STK32B: variants seen among roughly 807,000 people sequenced by gnomAD.
STK32B encodes the protein serine/threonine-protein kinase 32B.
A neutral mutation model predicts 52.6 loss-of-function variants in STK32B; 43 were observed. The observed-to-expected ratio is 0.82, with a 90% CI of 0.64 to 1.05. The LOEUF is 1.05. Ranked by LOEUF, STK32B falls within the 50% of genes least tolerant of loss-of-function variation. The pLI, the probability that STK32B is intolerant of heterozygous loss-of-function variation, is 0.00. For synonymous variants in STK32B, 238 were observed against 204.3 expected, an observed-to-expected ratio of 1.17 and a Z score of -1.41; for missense variants, 621 against 534.6, an observed-to-expected ratio of 1.16 and a Z score of -1.59.
intron 3 of STK32B, among the ~76,000 whole-genome samples, chr4:5,297,360 C>A (rs747470719): frequency 6.6e-6 from 1 of 152,106 alleles, no homozygotes; most frequent in African/African-American, 2.4e-5. Flanking sequence ...TGGATAATAA[C>A]CTGAAGTGTG....
chr4:5,133,137 T>A (rs1715881564), intron 1 of STK32B, among the ~76,000 whole-genome samples: 1 of 152,226 alleles, frequency 6.6e-6, no homozygotes, highest in Non-Finnish European at 1.5e-5. Flanking sequence ...CAGATTTGTC[T>A]CCTTGCACCA....
chr4:5,476,061 ATTTTTGTATTTTTT>A (rs1388114074), intron 11 of STK32B, among the ~76,000 whole-genome samples: 1 of 151,024 alleles, frequency 6.6e-6, no homozygotes, highest in Non-Finnish European at 1.5e-5. Flanking sequence ...CACCCAGCTA[ATTTTTGTATTTTTT>A]TTTTAGTAGA....
intron 2 of STK32B, among the ~76,000 whole-genome samples, chr4:5,149,620 C>T (rs943621350): frequency 6.6e-6 from 1 of 151,862 alleles, no homozygotes; most frequent in Non-Finnish European, 1.5e-5. Context: ...TGTAGAGGCC[C>T]ATCTACCACC....
In STK32B at chr4:5,467,569, A is replaced by G. The variant is rs1717542609; in HGVS notation, c.1042-437A>G. On this transcript the variant is annotated intron_variant, in intron 10 of 11. Transcript: ENST00000282908. The surrounding 1 kb of genome is among the most constrained non-coding windows in gnomAD (Gnocchi z 5.8). ...AAAGGTTCTATTTCCAAATAACGTC[A>G]TGTTTATAAGTACTGGGGGGCTGGG... 6.6e-6 allele frequency among the ~76,000 whole-genome samples: 1 copy of G among 152,112 alleles called. No individual in the cohort carries two copies. The highest frequency in any genetic ancestry group is 1.5e-5 in the Non-Finnish European group (1 of 68,028).
At chr4:5,440,216 T>C (rs543146446) in intron 6 of STK32B, among the ~76,000 whole-genome samples, 2 of 152,338 alleles carry the variant, frequency 1.3e-5, no homozygotes, top group East Asian at 1.9e-4. Flanking sequence ...TTTCACGATA[T>C]TGATTCTTCC....
At chr4:5,197,500 G>T (rs1408322340) in intron 3 of STK32B, among the ~76,000 whole-genome samples, 2 of 152,142 alleles carry the variant, frequency 1.3e-5, no homozygotes, top group Non-Finnish European at 2.9e-5. Context: ...CAGAGCATAT[G>T]TCACCATTGG....
At chr4:5,176,602 C>G (rs1002527263) in intron 3 of STK32B, among the ~76,000 whole-genome samples, 2 of 152,062 alleles carry the variant, frequency 1.3e-5, no homozygotes, top group African/African-American at 4.8e-5. Flanking sequence ...TGCCACCACA[C>G]GCAGTTAATT....
chr4:5,459,991 A>G lies in STK32B; in HGVS notation c.784-112A>G, dbSNP rs76340700. 357 of 1,485,214 alleles carry G rather than the reference A, an allele frequency of 2.4e-4. 4 individuals are homozygous for G. The East Asian group carries it at 8.2e-3, about 34-fold the overall frequency. The allele number at this position is 1,485,214 out of a possible 1,614,324, so 92.0% of individuals were successfully genotyped here. ...GACCCAGACGGGGCACAACATCAAT[A>G]GAGCGTGAAGAGCAGAGGCACATTA... On this transcript the variant is annotated intron_variant, in intron 8 of 11. Coordinates refer to ENST00000282908, the MANE Select transcript of STK32B (RefSeq NM_018401.3).
rs114599406 is a variant in STK32B, at chr4:5,355,686, A to G, written c.434+24293A>G. ...AAGCATCTCCCACTCCTTTCCCCCA[A>G]GTTGTGATAATCAAAAATATCTCCA... On this transcript the variant is annotated intron_variant, in intron 4 of 11. Coordinates refer to ENST00000282908, the MANE Select transcript of STK32B (RefSeq NM_018401.3). Among the ~76,000 whole-genome samples the G allele has an allele frequency of 9.6e-3, 1,465 of 152,214 alleles. 15 individuals carry two copies. Among genetic ancestry groups the G allele is most frequent in the Non-Finnish European group, 0.017 (1,126 of 67,994 alleles).
At position 5,469,113 on chromosome 4, in the gene STK32B, C is replaced by T. The variant is rs1717663234; in HGVS notation, c.1106+1043C>T. On this transcript the variant is annotated intron_variant, in intron 11 of 11. Coordinates refer to ENST00000282908, the MANE Select transcript of STK32B (RefSeq NM_018401.3). The surrounding 1 kb of genome is among the most constrained non-coding windows in gnomAD (Gnocchi z 4.7). The stretch of plus-strand genomic sequence containing the variant: ...TGTGGCTGACTTGTCAGAGCTGGGG[C>T]TCCAGCAGGGGCAGCCGATGAGCCC... Among the ~76,000 whole-genome samples, 4 of 151,572 alleles carry T rather than the reference C, an allele frequency of 2.6e-5. No homozygotes were observed. In the South Asian group the frequency reaches 8.3e-4, roughly 31 times the overall value.
intron 4 of STK32B, among the ~76,000 whole-genome samples, chr4:5,337,442 A>G (rs1265743585): frequency 1.3e-5 from 2 of 152,176 alleles, no homozygotes; most frequent in African/African-American, 2.4e-5. Context: ...TCCAAAATGA[A>G]TGAATGAATC....
chr4:5,489,544 C>T (rs1029482061), intron 11 of STK32B, among the ~76,000 whole-genome samples: 24 of 151,530 alleles, frequency 1.6e-4, no homozygotes, highest in African/African-American at 5.1e-4. Context: ...TAAACCCAGG[C>T]AAAAAAACGT....
intron 4 of STK32B, among the ~76,000 whole-genome samples, chr4:5,390,069 C>T (rs1299184986): frequency 3.3e-5 from 5 of 152,310 alleles, no homozygotes; most frequent in Admixed American, 2.6e-4. Flanking sequence ...TTACTCTTTG[C>T]CCCTGAGGTT....
chr4:5,160,261 G>A (rs1172600973), intron 2 of STK32B, among the ~76,000 whole-genome samples: 3 of 152,140 alleles, frequency 2.0e-5, no homozygotes, highest in African/African-American at 7.2e-5. Context: ...GATGGATGCT[G>A]ATCACACAAC....
intron 1 of STK32B, among the ~76,000 whole-genome samples, chr4:5,136,483 A>T (rs1386318022): frequency 6.6e-6 from 1 of 152,198 alleles, no homozygotes; most frequent in African/African-American, 2.4e-5. Flanking sequence ...TGGCTTCCTC[A>T]GATGGAATGG....
intron 11 of STK32B, among the ~76,000 whole-genome samples, chr4:5,479,127 T>TG (rs918997917): frequency 4.0e-5 from 6 of 150,240 alleles, no homozygotes; most frequent in South Asian, 2.1e-4. Context: ...GTTTTTGTTT[T>TG]TTTTTTTTTT....
chr4:5,089,286 G>A (rs1246212324), intron 1 of STK32B, among the ~76,000 whole-genome samples: 1 of 151,208 alleles, frequency 6.6e-6, no homozygotes, highest in African/African-American at 2.4e-5. Flanking sequence ...GTATACCTGT[G>A]CCATGGTGGT....
intron 8 of STK32B, 128 bp from the exon 9 acceptor site, chr4:5,459,975 G>A (rs1362216970): frequency 5.1e-6 from 7 of 1,383,258 alleles, no homozygotes; most frequent in Admixed American, 1.9e-5. Context: ...TGACCCAGAC[G>A]GGGCACAACA....
At chr4:5,282,469 A>G (rs879487055) in intron 3 of STK32B, among the ~76,000 whole-genome samples, 7 of 152,194 alleles carry the variant, frequency 4.6e-5, no homozygotes, top group Non-Finnish European at 8.8e-5. Context: ...AACACTAAGA[A>G]CAATTATACA....
Sources: allele counts gnomAD v4.1 joint callset (sites outside exome capture counted in the v4.1 genomes callset), GRCh38; gene constraint gnomAD v4.1.1; non-coding constraint Gnocchi (gnomAD v3.1); transcripts MANE v1.5; gene names NCBI Gene and HGNC (gene_info 2026-07-23, HGNC 2026-07-21).